Variants in XYLT1 observed in about 807,000 individuals in gnomAD.
XYLT1 encodes beta-D-xylosyltransferase 1.
A neutral mutation model predicts 91.3 loss-of-function variants in XYLT1; 36 were observed. That is an observed-to-expected ratio of 0.39 (90% CI 0.30 to 0.52). The LOEUF (loss-of-function observed/expected upper bound fraction) is 0.52. Ranked by LOEUF, XYLT1 falls within the 20% of genes least tolerant of loss-of-function variation. The pLI is 0.68. For missense variants in XYLT1, 1,242 were observed against 1,284.5 expected (o/e 0.97, Z 0.51); for synonymous variants, 588 against 532.0 (o/e 1.11, Z -1.45).
In XYLT1 at chr16:17,406,431, G is replaced by A. The variant is rs112840617; in HGVS notation, c.364-48381C>T. Reference sequence around the variant, plus strand: ...CTGTGCTCCAGTGAGGTCTCTCCCAGGGTTCCTGTGAATCACCATCTGGGA... The same window carrying A: ...CTGTGCTCCAGTGAGGTCTCTCCCAAGGTTCCTGTGAATCACCATCTGGGA... On this transcript the variant is annotated intron_variant, in intron 1 of 11. Transcript: ENST00000261381. Among the ~76,000 whole-genome samples the A allele has an allele frequency of 3.6e-3, 546 of 152,308 alleles. 2 individuals are homozygous for A. The highest frequency in any genetic ancestry group is 0.012 in the African/African-American group (499 of 41,564).
intron 2 of XYLT1, among the ~76,000 whole-genome samples, chr16:17,266,127 A>G (rs189310255): frequency 3.9e-5 from 6 of 152,272 alleles, no homozygotes; most frequent in African/African-American, 1.2e-4. Context: ...CTATCCCTCT[A>G]TTATCGTCTA....
At chr16:17,168,448 G>A (rs1162369401) in intron 5 of XYLT1, among the ~76,000 whole-genome samples, 1 of 152,158 alleles carries the variant, frequency 6.6e-6, no homozygotes, top group African/African-American at 2.4e-5. Flanking sequence ...AGAGGGAAGA[G>A]GAGGAGGGCA....
chr16:17,141,257 A>C lies in XYLT1; in HGVS notation c.1483T>G (p.Trp495Gly), dbSNP rs1567293011. ...ACAAACCTCCGGTTCAGCAGGAACC[A>C]GTCCGAACCGCCATCCACGGCAATG... ...EGIAVDGGSDWFLLNRRFVEY... is the reference protein window; with the variant it reads ...EGIAVDGGSDGFLLNRRFVEY... The change falls in exon 7 of 12, where the codon TGG becomes GGG. Residue 495 changes from tryptophan to glycine, a missense_variant. Around this residue, in one of 3 missense-constraint regions of XYLT1, gnomAD observed 294 missense variants for 376.0 expected, o/e 0.78. Transcript: ENST00000261381. The C allele has an allele frequency of 6.2e-7, 1 of 1,614,234 alleles. No individual in the cohort carries two copies.
chr16:17,215,175 G>GT (rs1225002922), intron 3 of XYLT1, among the ~76,000 whole-genome samples: 9 of 152,166 alleles, frequency 5.9e-5, no homozygotes, highest in African/African-American at 2.2e-4. Context: ...GGCCAATATG[G>GT]TAAAAACTTG....
At chr16:17,355,142 G>A (rs1412321095) in intron 2 of XYLT1, 1 of 153,312 alleles carries the variant, frequency 6.5e-6, no homozygotes, top group African/African-American at 2.4e-5. Flanking sequence ...GGTCCCTTGG[G>A]CTAACAGATT....
chr16:17,458,810 A>G (rs1195474768), intron 1 of XYLT1, among the ~76,000 whole-genome samples: 3 of 152,112 alleles, frequency 2.0e-5, no homozygotes, highest in Non-Finnish European at 4.4e-5. Context: ...AAACGAGAAG[A>G]GTGTTGAAGC....
intron 3 of XYLT1, among the ~76,000 whole-genome samples, chr16:17,242,421 C>T (rs911309626): frequency 3.3e-5 from 5 of 152,124 alleles, no homozygotes; most frequent in South Asian, 4.1e-4. Context: ...ATTGTGCTAC[C>T]GTCTTGCTCA....
chr16:17,275,970 G>A (rs924197743), intron 2 of XYLT1, among the ~76,000 whole-genome samples: 2 of 152,048 alleles, frequency 1.3e-5, no homozygotes, highest in Non-Finnish European at 2.9e-5. Context: ...AAGGAGAGGC[G>A]CCTGTAAATA....
chr16:17,452,866 CACACACACAT>C (rs1387067622), intron 1 of XYLT1, among the ~76,000 whole-genome samples: 1 of 152,164 alleles, frequency 6.6e-6, no homozygotes, highest in East Asian at 1.9e-4. Flanking sequence ...AGAATACACA[CACACACACAT>C]ACACACACAC....
chr16:17,262,714 C>A (rs1463759905), intron 2 of XYLT1, among the ~76,000 whole-genome samples: 1 of 152,182 alleles, frequency 6.6e-6, no homozygotes, highest in Non-Finnish European at 1.5e-5. Context: ...TCCAGCCACA[C>A]TCCTGCTGGT....
At chr16:17,452,626 C>T (rs2036681806) in intron 1 of XYLT1, among the ~76,000 whole-genome samples, 1 of 152,072 alleles carries the variant, frequency 6.6e-6, no homozygotes, top group Non-Finnish European at 1.5e-5. Context: ...CAAATTTAAT[C>T]TATTCATTGA....
At chr16:17,422,210 T>C (rs1252512245) in intron 1 of XYLT1, among the ~76,000 whole-genome samples, 2 of 151,970 alleles carry the variant, frequency 1.3e-5, no homozygotes, top group Non-Finnish European at 2.9e-5. Context: ...TTTTTAATCT[T>C]TGTAGAGGTG....
Position 17,301,986 on chromosome 16 carries a change from C to T in XYLT1, c.403-42488G>A, listed in dbSNP as rs543151311. On this transcript the variant is annotated intron_variant, in intron 2 of 11. Coordinates refer to ENST00000261381, the MANE Select transcript of XYLT1 (RefSeq NM_022166.4). ...CAGCACTTTGGGAGGCCAAGGTGGG[C>T]GGATCATTTGAGGTCAGAAGTTCAA... Among the ~76,000 whole-genome samples the T allele has an allele frequency of 1.4e-4, 21 of 152,138 alleles. No homozygotes were observed. The East Asian group carries it at 2.7e-3, about 20-fold the overall frequency.
intron 1 of XYLT1, among the ~76,000 whole-genome samples, chr16:17,389,405 C>T (rs764610017): frequency 1.3e-5 from 2 of 152,198 alleles, no homozygotes; most frequent in Non-Finnish European, 2.9e-5. Context: ...GCCACCACAC[C>T]TCGCTACTAT....
chr16:17,191,695 C>A (rs1225700623), intron 5 of XYLT1, among the ~76,000 whole-genome samples: 3 of 152,220 alleles, frequency 2.0e-5, no homozygotes, highest in African/African-American at 7.2e-5. Flanking sequence ...GCCACCTGTT[C>A]CTGTCTTTAC....
At chr16:17,228,846 GC>G (rs1270217988) in intron 3 of XYLT1, among the ~76,000 whole-genome samples, 5 of 152,202 alleles carry the variant, frequency 3.3e-5, no homozygotes, top group African/African-American at 1.2e-4. Flanking sequence ...ACACCCTTGG[GC>G]AGAGTAGATT....
intron 11 of XYLT1, among the ~76,000 whole-genome samples, chr16:17,114,222 A>G (rs1180312335): frequency 3.3e-5 from 5 of 152,214 alleles, no homozygotes; most frequent in Non-Finnish European, 7.3e-5. Context: ...AAACCAATAG[A>G]CATAAGTGTT....
chr16:17,334,022 CT>C (rs2034942277), intron 2 of XYLT1, among the ~76,000 whole-genome samples: 1 of 152,136 alleles, frequency 6.6e-6, no homozygotes, highest in African/African-American at 2.4e-5. Flanking sequence ...AAGTAAACCC[CT>C]TTTGCCCTTC....
intron 11 of XYLT1, among the ~76,000 whole-genome samples, chr16:17,116,692 G>A (rs569858695): frequency 5.3e-5 from 8 of 152,196 alleles, no homozygotes; most frequent in African/African-American, 1.9e-4. Flanking sequence ...GGTAGGGTGT[G>A]TGTATGTTCA....
Sources: gnomAD v4.1 joint callset for allele counts (sites outside exome capture counted in the v4.1 genomes callset) on GRCh38, gnomAD v4.1.1 for gene constraint, gnomAD v4.1.1 regional missense constraint, MANE v1.5 for transcripts, NCBI Gene and HGNC (gene_info 2026-07-23, HGNC 2026-07-21) for gene names.